The following CPNE3 variants were observed in gnomAD, a reference collection of about 807,000 sequenced individuals.
CPNE3 encodes the protein copine-3.
Under a neutral mutation model 63.9 loss-of-function variants are expected in CPNE3, and 68 were observed. The observed-to-expected ratio is 1.06, with a 90% CI of 0.87 to 1.30. The LOEUF (loss-of-function observed/expected upper bound fraction) is 1.30, where lower values mean the gene tolerates loss of function less well. CPNE3 is among the 50% of genes most tolerant of loss of function. The pLI, the probability that CPNE3 is intolerant of heterozygous loss-of-function variation, is 0.00. For missense variants in CPNE3, 665 were observed against 578.1 expected, an observed-to-expected ratio of 1.15 and a Z score of -1.54; for synonymous variants, 219 against 197.5, an observed-to-expected ratio of 1.11 and a Z score of -0.91.
In CPNE3 at chr8:86,539,756, A is replaced by G. The variant is rs571005519; in HGVS notation, c.544-489A>G. ...CCACTCACGGCAACCTCCACCTCCC[A>G]GGTTCCAGCAGTTCTCCTGCCTCAG... On this transcript the variant is annotated intron_variant, in intron 7 of 16. Coordinates refer to ENST00000517490, the MANE Select transcript of CPNE3 (RefSeq NM_003909.5). Among the ~76,000 whole-genome samples, 5 of 136,322 alleles carry G rather than the reference A, an allele frequency of 3.7e-5. No individual in the cohort carries two copies. The South Asian group carries it at 1.2e-3, about 32-fold the overall frequency. 89.4% of individuals were successfully genotyped at this position (136,322 alleles called of 152,430 possible).
intron 8 of CPNE3, among the ~76,000 whole-genome samples, chr8:86,543,560 A>C (rs1376371225): frequency 6.6e-6 from 1 of 152,140 alleles, no homozygotes; most frequent in African/African-American, 2.4e-5. Context: ...CTTCTTAGTT[A>C]CAAGTTTTTA....
At chr8:86,545,521 T>G (rs943073929) in intron 9 of CPNE3, among the ~76,000 whole-genome samples, 2 of 152,210 alleles carry the variant, frequency 1.3e-5, no homozygotes, top group Admixed American at 6.5e-5. Context: ...TATATAATAA[T>G]TTTTTATTGT....
chr8:86,540,457 T>G (rs956238067), intron 8 of CPNE3, 123 bp downstream of exon 8: 4 of 418,196 alleles, frequency 9.6e-6, no homozygotes, highest in Non-Finnish European at 1.7e-5. Flanking sequence ...CAGAGTTAAA[T>G]TTTATGTGTG....
At chr8:86,548,941 C>T (rs921041948) in intron 12 of CPNE3, among the ~76,000 whole-genome samples, 25 of 151,816 alleles carry the variant, frequency 1.6e-4, no homozygotes, top group African/African-American at 3.6e-4. Context: ...ATTTTTTTAA[C>T]GGTGACTTTT....
intron 15 of CPNE3, among the ~76,000 whole-genome samples, chr8:86,555,525 TTGTAAA>T (rs1821303671): frequency 6.6e-6 from 1 of 152,202 alleles, no homozygotes; most frequent in Non-Finnish European, 1.5e-5. Context: ...TTAACTAATA[TTGTAAA>T]TCTTATTCCT....
rs150559243 is a variant in CPNE3, at chr8:86,560,675, A to G, written c.*2265A>G. On this transcript the variant is annotated 3_prime_UTR_variant, in exon 17 of 17. Transcript: ENST00000517490. ...TTCATAAGAACTGTGATTCCAGCAA[A>G]CTAGGGTAATTGGTGCCTTTTTACA... 38 of 152,304 alleles carry G rather than the reference A, an allele frequency of 2.5e-4. No homozygotes were observed. In the East Asian group the frequency reaches 7.3e-3, roughly 29 times the overall value. 9.4% of individuals were successfully genotyped at this position (152,304 alleles called of 1,614,324 possible).
chr8:86,549,640 A>G (rs1821129227), intron 12 of CPNE3, among the ~76,000 whole-genome samples: 1 of 152,232 alleles, frequency 6.6e-6, no homozygotes, highest in Non-Finnish European at 1.5e-5. Flanking sequence ...CCAAAAACAA[A>G]GTGGCTTTGA....
Position 86,554,845 on chromosome 8 carries a change from T to C in CPNE3, c.1121-6T>C. On this transcript the variant is annotated splice_polypyrimidine_tract_variant and splice_region_variant and intron_variant, in intron 14 of 16. Coordinates refer to ENST00000517490, the MANE Select transcript of CPNE3 (RefSeq NM_003909.5). ...GTACTGTTTTTTATTTGTTTGTTTG[T>C]TCTAGGAATCCAAGGCATTGTAGAG... 6.2e-7 allele frequency: 1 copy of C among 1,612,474 alleles called. No homozygotes were observed. The highest frequency in any genetic ancestry group is 8.5e-7 in the Non-Finnish European group (1 of 1,179,204).
intron 7 of CPNE3, among the ~76,000 whole-genome samples, chr8:86,538,423 G>A (rs1820855041): frequency 6.6e-6 from 1 of 152,012 alleles, no homozygotes; most frequent in Admixed American, 6.6e-5. Context: ...AAAGAACAGG[G>A]ACATTCTATA....
rs558168915 is a variant in CPNE3, at chr8:86,514,692, C to A, written c.-49+151C>A. On this transcript the variant is annotated intron_variant, in intron 1 of 16. Coordinates refer to ENST00000517490, the MANE Select transcript of CPNE3 (RefSeq NM_003909.5). ...GCCGGGCCCTGCTGCTGGAAGTGCT[C>A]CGTGGGCTTCGCGCAGCTGGGGATC... 4 of 152,286 alleles carry A rather than the reference C, an allele frequency of 2.6e-5. 1 individual carries two copies. Among genetic ancestry groups the A allele is most frequent in the Admixed American group, 2.6e-4 (4 of 15,298 alleles). 9.4% of individuals were successfully genotyped at this position (152,286 alleles called of 1,614,324 possible). A position where few individuals can be genotyped will look rare whatever the true frequency, so the allele number is the denominator to read the frequency against.
At chr8:86,555,550 C>A (rs1409861724) in intron 15 of CPNE3, among the ~76,000 whole-genome samples, 1 of 152,150 alleles carries the variant, frequency 6.6e-6, no homozygotes, top group Admixed American at 6.5e-5. Flanking sequence ...CTATTCTAGA[C>A]TTAAATGGCC....
At position 86,532,418 on chromosome 8, in the gene CPNE3, C is replaced by T. The variant is rs1369488912; in HGVS notation, c.388-91C>T. The T allele has an allele frequency of 1.3e-5, 11 of 849,394 alleles. No homozygotes were observed. The African/African-American group carries it at 1.6e-4, about 12-fold the overall frequency. 52.6% of individuals were successfully genotyped at this position (849,394 alleles called of 1,614,324 possible). On this transcript the variant is annotated intron_variant, in intron 5 of 16. Transcript: ENST00000517490. The stretch of plus-strand genomic sequence containing the variant: ...TAGAATTCATTTATATTAGTGTAGG[C>T]TTTATATTAGATAACAGAATAAATC...
At chr8:86,555,053 T>C in intron 15 of CPNE3, 69 bp downstream of exon 15, 1 of 1,598,136 alleles carries the variant, frequency 6.3e-7, no homozygotes. Flanking sequence ...CATTTTTCTA[T>C]GTTTTTGGTT....
chr8:86,540,283 C>T lies in CPNE3; in HGVS notation c.582C>T (p.Phe194=), dbSNP rs139619960. 134 of 1,609,484 alleles carry T rather than the reference C, an allele frequency of 8.3e-5. No homozygotes were observed. In the African/African-American group the frequency reaches 1.6e-3, roughly 20 times the overall value. The change falls in exon 8 of 17, where the codon TTC becomes TTT. Residue 194 remains phenylalanine, a synonymous_variant. Transcript: ENST00000517490. ...KNNLNPVWRP[F]KISLNSLCYG... is the part of the protein sequence containing the mutation. ...ACTTGAATCCTGTTTGGAGGCCTTT[C>T]AAGATCTCTCTTAACTCACTGTGTT...
At chr8:86,525,417 C>T (rs774006819) in intron 2 of CPNE3, among the ~76,000 whole-genome samples, 10 of 152,066 alleles carry the variant, frequency 6.6e-5, no homozygotes, top group Middle Eastern at 3.4e-3. Context: ...GATTCCAGAC[C>T]CTAGTGTTTA....
At chr8:86,521,951 T>G (rs1034859767) in intron 2 of CPNE3, among the ~76,000 whole-genome samples, 26 of 151,786 alleles carry the variant, frequency 1.7e-4, no homozygotes, top group African/African-American at 5.8e-4. Context: ...TAATATATTA[T>G]TTGGAAGCAC....
intron 5 of CPNE3, 86 bp downstream of exon 5, chr8:86,531,315 C>A: frequency 1.3e-6 from 1 of 748,456 alleles, no homozygotes; most frequent in Non-Finnish European, 2.4e-6. Context: ...AAATATTCTA[C>A]AGCCATGCTT....
chr8:86,537,568 A>G lies in CPNE3; in HGVS notation c.465A>G (p.Leu155=). ...GTTGTTTGTTTTAAATGTAGGATCT[A>G]TTTGGAAAGTCAGACCCATACCTGG... ...MEARKLDNKD[L]FGKSDPYLEF... Residue 155 remains leucine, a synonymous_variant, in exon 7 of 17, where the codon CTA becomes CTG. Coordinates refer to ENST00000517490, the MANE Select transcript of CPNE3 (RefSeq NM_003909.5). The G allele has an allele frequency of 6.3e-7, 1 of 1,593,428 alleles. No homozygotes were observed. Among genetic ancestry groups the G allele is most frequent in the Non-Finnish European group, 8.6e-7 (1 of 1,161,360 alleles).
At chr8:86,532,659 A>G (rs2131450831) in intron 6 of CPNE3, 79 bp downstream of exon 6, 1 of 1,223,288 alleles carries the variant, frequency 8.2e-7, no homozygotes, top group South Asian at 1.3e-5. Flanking sequence ...AGTTAATATC[A>G]TGAACTCCAT....
Sources: allele counts gnomAD v4.1 joint callset (sites outside exome capture counted in the v4.1 genomes callset), GRCh38; gene constraint gnomAD v4.1.1; transcripts MANE v1.5; gene names NCBI Gene and HGNC (gene_info 2026-07-23, HGNC 2026-07-21).